Variants in TNPO1 observed in about 807,000 individuals in gnomAD.
TNPO1 encodes transportin 1.
TNPO1 carries 8 observed loss-of-function variants against 119.5 expected under a neutral mutation model. That is an observed-to-expected ratio of 0.07 (90% CI 0.04 to 0.12). The LOEUF (loss-of-function observed/expected upper bound fraction) is 0.12. Ranked by LOEUF, TNPO1 falls within the 10% of genes least tolerant of loss-of-function variation. TNPO1 has a pLI of 1.00. For missense variants in TNPO1, 576 were observed against 1,089.8 expected (o/e 0.53, Z 6.64); for synonymous variants, 362 against 363.0 (o/e 1.00, Z 0.03).
intron 22 of TNPO1, among the ~76,000 whole-genome samples, chr5:72,903,032 TGTTA>T (rs1430867240): frequency 6.6e-6 from 1 of 152,188 alleles, no homozygotes. Context: ...TTTGTTGAAC[TGTTA>T]GTGTTTCAGT....
At chr5:72,886,995 A>G in intron 11 of TNPO1, 75 bp from the exon 12 acceptor site, 4 of 1,307,118 alleles carry the variant, frequency 3.1e-6, no homozygotes, top group Non-Finnish European at 4.1e-6. Context: ...TACGAATAAA[A>G]TGTTACATAT....
At position 72,899,763 on chromosome 5, in the gene TNPO1, A is replaced by AT. The variant is rs906953522; in HGVS notation, c.2339-236dup. ...TTTTTGGTGTTCTCTCAATCTTTAG[A>AT]TTTTTTTAATTCCTTTTGTTTTTCT... is the stretch of plus-strand genomic sequence containing the variant. On this transcript the variant is annotated intron_variant, in intron 20 of 24. Transcript: ENST00000337273. Among the ~76,000 whole-genome samples, 20 of 152,204 alleles carry AT rather than the reference A, an allele frequency of 1.3e-4. No individual in the cohort carries two copies. The East Asian group carries it at 3.7e-3, about 28-fold the overall frequency.
At chr5:72,906,328 T>TTCGCCCAGG (rs944090918) in intron 24 of TNPO1, among the ~76,000 whole-genome samples, 5 of 119,496 alleles carry the variant, frequency 4.2e-5, no homozygotes, top group African/African-American at 1.5e-4. Flanking sequence ...CAGAGACTCT[T>TTCGCCCAGG]TCGCCCAGGC....
At chr5:72,888,991 A>C (rs1580460998) in intron 13 of TNPO1, among the ~76,000 whole-genome samples, 1 of 152,260 alleles carries the variant, frequency 6.6e-6, no homozygotes, top group South Asian at 2.1e-4. Flanking sequence ...TAATTTTTCG[A>C]GTAGGTTTGC....
intron 6 of TNPO1, among the ~76,000 whole-genome samples, 181 bp downstream of exon 6, chr5:72,865,910 CTT>C (rs1746854187): frequency 6.6e-6 from 1 of 152,184 alleles, no homozygotes; most frequent in African/African-American, 2.4e-5. Context: ...AATGTTGACT[CTT>C]TGTGAGGAAA....
rs146413873 is a variant in TNPO1 at position 72,866,534 on chromosome 5, G to A, written c.596+805G>A. 5.4e-4 allele frequency among the ~76,000 whole-genome samples: 82 copies of A among 152,194 alleles called. 2 individuals are homozygous for A. The highest frequency in any genetic ancestry group is 1.8e-3 in the African/African-American group (74 of 41,534). On this transcript the variant is annotated intron_variant, in intron 6 of 24. Coordinates refer to ENST00000337273, the MANE Select transcript of TNPO1 (RefSeq NM_002270.4). ...TTTGGGAGGCCCAGGTGGGTGGATC[G>A]CTTGAGCTCAGGAGTTCAAGACTAG... is the stretch of plus-strand genomic sequence containing the variant.
chr5:72,887,601 C>T (rs1748743330), intron 12 of TNPO1, among the ~76,000 whole-genome samples: 1 of 152,316 alleles, frequency 6.6e-6, no homozygotes, highest in East Asian at 1.9e-4. Context: ...AGGAGAATTG[C>T]TTGGACCTGG....
At chr5:72,828,228 AGTT>A (rs1744289890) in intron 1 of TNPO1, among the ~76,000 whole-genome samples, 1 of 152,098 alleles carries the variant, frequency 6.6e-6, no homozygotes, top group African/African-American at 2.4e-5. Flanking sequence ...GCCAAGAAGA[AGTT>A]GTTGGGTTTG....
chr5:72,873,703 CTA>C (rs1747569215), intron 7 of TNPO1, among the ~76,000 whole-genome samples: 1 of 152,018 alleles, frequency 6.6e-6, no homozygotes, highest in South Asian at 2.1e-4. Context: ...CTGGAGTAGA[CTA>C]TTGGTGTTCA....
chr5:72,819,335 C>G (rs1200975910), intron 1 of TNPO1, among the ~76,000 whole-genome samples: 1 of 152,144 alleles, frequency 6.6e-6, no homozygotes, highest in Non-Finnish European at 1.5e-5. Context: ...CATATTCAAA[C>G]CACAGCAAGT....
chr5:72,868,457 AAAC>A (rs1747115363), intron 6 of TNPO1, among the ~76,000 whole-genome samples: 1 of 145,738 alleles, frequency 6.9e-6, no homozygotes, highest in African/African-American at 2.5e-5. Context: ...AAAAAAAAAA[AAAC>A]ACAAAATAAT....
intron 1 of TNPO1, among the ~76,000 whole-genome samples, chr5:72,827,974 C>T (rs1561292800): frequency 6.6e-6 from 1 of 151,224 alleles, no homozygotes; most frequent in Non-Finnish European, 1.5e-5. Flanking sequence ...GCCCATTTGA[C>T]AAACAAGCAG....
chr5:72,875,105 AC>A (rs1561333444), intron 7 of TNPO1, among the ~76,000 whole-genome samples: 2 of 152,248 alleles, frequency 1.3e-5, no homozygotes, highest in African/African-American at 4.8e-5. Flanking sequence ...GTCCATTCAG[AC>A]ATTGCTTTTT....
At chr5:72,818,436 GT>G (rs1387744028) in intron 1 of TNPO1, among the ~76,000 whole-genome samples, 1 of 152,126 alleles carries the variant, frequency 6.6e-6, no homozygotes, top group African/African-American at 2.4e-5. Flanking sequence ...CATGAACTCA[GT>G]TTTTCTAAAT....
chr5:72,847,246 C>T (rs977768046), intron 1 of TNPO1, among the ~76,000 whole-genome samples: 1 of 152,086 alleles, frequency 6.6e-6, no homozygotes, highest in African/African-American at 2.4e-5. Flanking sequence ...TAGCAAGGGA[C>T]TTTTCATGTT....
At chr5:72,826,625 G>T (rs1273998603) in intron 1 of TNPO1, among the ~76,000 whole-genome samples, 1 of 152,154 alleles carries the variant, frequency 6.6e-6, no homozygotes, top group Non-Finnish European at 1.5e-5. Context: ...GTGCAAAATG[G>T]TAATTATGTT....
intron 20 of TNPO1, among the ~76,000 whole-genome samples, chr5:72,898,507 A>G (rs2112480638): frequency 6.6e-6 from 1 of 152,238 alleles, no homozygotes; most frequent in East Asian, 1.9e-4. Flanking sequence ...GTGGCTGCAT[A>G]AAGTATTGTT....
intron 1 of TNPO1, among the ~76,000 whole-genome samples, chr5:72,829,405 C>T (rs1400584879): frequency 2.0e-5 from 3 of 152,296 alleles, no homozygotes; most frequent in African/African-American, 7.2e-5. Flanking sequence ...CAAGAAGTCA[C>T]CTAAGGCTGG....
intron 3 of TNPO1, among the ~76,000 whole-genome samples, chr5:72,854,845 T>A (rs1745858975): frequency 6.6e-6 from 1 of 152,162 alleles, no homozygotes; most frequent in Non-Finnish European, 1.5e-5. Flanking sequence ...TTGGAGGTAT[T>A]TTTTTGCTTT....
Sources: gnomAD v4.1 joint callset for allele counts (sites outside exome capture counted in the v4.1 genomes callset) on GRCh38, gnomAD v4.1.1 for gene constraint, MANE v1.5 for transcripts, NCBI Gene and HGNC (gene_info 2026-07-23, HGNC 2026-07-21) for gene names.